The following CFAP47 variants were observed in gnomAD, a reference collection of about 807,000 sequenced individuals.
The protein encoded by CFAP47 is cilia and flagella associated protein 47.
CFAP47 carries 29 observed loss-of-function variants against 148.1 expected under a neutral mutation model. That is an observed-to-expected ratio of 0.20 (90% CI 0.15 to 0.27). The LOEUF is 0.27. Ranked by LOEUF, CFAP47 falls within the 10% of genes least tolerant of loss-of-function variation. The probability of loss-of-function intolerance (pLI) is 1.00; values close to 1 mark genes in which losing one functional copy is unlikely to be tolerated. For synonymous variants in CFAP47, 664 were observed against 577.3 expected, an observed-to-expected ratio of 1.15 and a Z score of -2.15; for missense variants, 1,872 against 1,697.5, an observed-to-expected ratio of 1.10 and a Z score of -1.81.
chrX:36,133,291 G>A (rs1280571503), intron 33 of CFAP47, among the ~76,000 whole-genome samples: 4 of 111,053 alleles, frequency 3.6e-5, no homozygotes, highest in Non-Finnish European at 5.7e-5. Flanking sequence ...AATTCACTCC[G>A]ACTTCTGTAT....
intron 49 of CFAP47, among the ~76,000 whole-genome samples, chrX:36,263,521 A>G (rs146117257): frequency 1.2e-4 from 13 of 112,194 alleles, no homozygotes; most frequent in African/African-American, 4.2e-4. Flanking sequence ...TTTAAGGCCA[A>G]TAACTATCTT....
chrX:35,922,568 A>T (rs1935594221), intron 1 of CFAP47, among the ~76,000 whole-genome samples: 1 of 112,524 alleles, frequency 8.9e-6, no homozygotes, highest in Non-Finnish European at 1.9e-5. Flanking sequence ...GACTTCCAAC[A>T]CCCAAAGGCT....
intron 33 of CFAP47, among the ~76,000 whole-genome samples, chrX:36,122,735 C>G (rs755847409): frequency 2.7e-5 from 3 of 111,672 alleles, no homozygotes; most frequent in African/African-American, 9.8e-5. Context: ...TGAGTTTTCT[C>G]AAAGCATCTA....
chrX:36,005,465 T>C (rs757646450), intron 21 of CFAP47, among the ~76,000 whole-genome samples: 1 of 112,362 alleles, frequency 8.9e-6, no homozygotes, highest in Non-Finnish European at 1.9e-5. Flanking sequence ...TCTCGTTTAA[T>C]TTCCACATAT....
chrX:36,192,139 A>T (rs1302929128), intron 42 of CFAP47, among the ~76,000 whole-genome samples: 1 of 111,938 alleles, frequency 8.9e-6, no homozygotes, highest in East Asian at 2.8e-4. Flanking sequence ...GAATTTTCAA[A>T]TAAAGTTGAA....
In CFAP47 at chrX:36,350,000, T is replaced by C. The variant is rs782116954; in HGVS notation, c.8604-38T>C. 8.4e-5 allele frequency: 70 copies of C among 835,597 alleles called. No homozygotes were observed. The African/African-American group carries it at 1.3e-3, about 16-fold the overall frequency. 68.9% of individuals were successfully genotyped at this position (835,597 alleles called of 1,213,427 possible). A position where few individuals can be genotyped will look rare whatever the true frequency, so the allele number is the denominator to read the frequency against. On this transcript the variant is annotated intron_variant, in intron 58 of 63. Transcript: ENST00000378653. ...AAGCTTTTTGTTAATATGGAGTTTC[T>C]CCTTTTGTTCCCTCTTAATATTTTA...
chrX:36,143,638 A>G (rs1398688022), intron 35 of CFAP47, among the ~76,000 whole-genome samples: 1 of 111,226 alleles, frequency 9.0e-6, no homozygotes. Flanking sequence ...GCTGTGAATA[A>G]CTTTTCCCCA....
In CFAP47 at chrX:36,138,049, A is replaced by G; in HGVS notation, c.5412A>G (p.Pro1804=). 1 of 841,822 alleles carries G rather than the reference A, an allele frequency of 1.2e-6. No homozygotes were observed. The highest frequency in any genetic ancestry group is 2.2e-5 in the South Asian group (1 of 44,670). The allele number at this position is 841,822 out of a possible 1,213,427, so 69.4% of individuals were successfully genotyped here. Residue 1804 remains proline, a synonymous_variant, in exon 34 of 64, where the codon CCA becomes CCG. Transcript: ENST00000378653. ...VFATQLGAYC[P]FLIESHFINM... ...CAACACAGTTGGGAGCCTATTGCCCATTCTTGGTAAGAGTCGTTTTTATGC... is the reference window on the plus strand; with the variant it reads ...CAACACAGTTGGGAGCCTATTGCCCGTTCTTGGTAAGAGTCGTTTTTATGC...
intron 51 of CFAP47, among the ~76,000 whole-genome samples, chrX:36,286,428 A>G (rs1602091141): frequency 1.2e-5 from 1 of 80,326 alleles, no homozygotes; most frequent in African/African-American, 4.3e-5. Flanking sequence ...AATAGAAAGT[A>G]AAAAAAAAAA....
At chrX:36,045,038 T>A (rs1438091899) in intron 25 of CFAP47, among the ~76,000 whole-genome samples, 1 of 112,149 alleles carries the variant, frequency 8.9e-6, no homozygotes, top group Non-Finnish European at 1.9e-5. Flanking sequence ...TACTTCTTCC[T>A]TTCCAACTTG....
At chrX:36,034,529 C>A (rs1937316976) in intron 23 of CFAP47, among the ~76,000 whole-genome samples, 1 of 111,158 alleles carries the variant, frequency 9.0e-6, no homozygotes. Flanking sequence ...TTTCCTCTCC[C>A]TATTTATTTA....
At position 36,379,483 on chromosome X, in the gene CFAP47, T is replaced by C. The variant is rs1295870024; in HGVS notation, c.9319T>C (p.Tyr3107His). 15 of 1,164,514 alleles carry C rather than the reference T, an allele frequency of 1.3e-5. No individual in the cohort carries two copies. In the Admixed American group the frequency reaches 3.9e-4, roughly 30 times the overall value. The change falls in exon 63 of 64, where the codon TAC (tyrosine) becomes CAC (histidine). Residue 3107 changes from tyrosine to histidine, a missense_variant. Physicochemically the swap from Tyr to His is moderately conservative, Grantham distance 83. Transcript: ENST00000378653. ...LITVGFKPKM[Y>H]CRKYKATLVI... ...CACTGTAGGATTTAAACCTAAAATG[T>C]ACTGTAGGAAATATAAAGCAACATT...
chrX:36,314,411 A>T (rs6632565), intron 56 of CFAP47, among the ~76,000 whole-genome samples: 13,006 of 110,699 alleles, frequency 0.12, 628 homozygotes, highest in East Asian at 0.26. Flanking sequence ...GGACAGCAAA[A>T]GGAAAGTGAC....
At chrX:36,244,310 T>C (rs1940588145) in intron 48 of CFAP47, among the ~76,000 whole-genome samples, 1 of 111,067 alleles carries the variant, frequency 9.0e-6, no homozygotes, top group Admixed American at 9.6e-5. Flanking sequence ...ACAATTTAAC[T>C]TTGCACCCAG....
intron 48 of CFAP47, among the ~76,000 whole-genome samples, chrX:36,243,649 A>ATG (rs1360632867): frequency 2.9e-4 from 2 of 6,853 alleles, no homozygotes; most frequent in Non-Finnish European, 5.1e-4. Context: ...ATGTGTGTGT[A>ATG]TATATATATA....
chrX:36,099,650 T>C (rs909211269), intron 31 of CFAP47, 101 bp from the exon 32 acceptor site: 2 of 419,753 alleles, frequency 4.8e-6, no homozygotes, highest in Non-Finnish European at 8.5e-6. Context: ...GAGCTCTTGA[T>C]TAAAGTATAG....
chrX:36,148,228 A>G (rs920123465), intron 36 of CFAP47, among the ~76,000 whole-genome samples: 9 of 111,602 alleles, frequency 8.1e-5, no homozygotes, highest in Admixed American at 4.8e-4. Context: ...ATTTTTGCTA[A>G]AGGAAGGCCA....
chrX:35,924,128 T>C (rs919735030), intron 1 of CFAP47, among the ~76,000 whole-genome samples: 8 of 99,964 alleles, frequency 8.0e-5, no homozygotes, highest in Non-Finnish European at 1.4e-4. Flanking sequence ...TGCGTACATA[T>C]ATGTATATGT....
chrX:36,139,317 A>T (rs1002593875), intron 35 of CFAP47, among the ~76,000 whole-genome samples: 6 of 111,637 alleles, frequency 5.4e-5, no homozygotes, highest in Admixed American at 9.5e-5. Flanking sequence ...AACAGAATGT[A>T]GAGTTTGAAA....
Sources: allele counts gnomAD v4.1 joint callset (sites outside exome capture counted in the v4.1 genomes callset), GRCh38; gene constraint gnomAD v4.1.1; transcripts MANE v1.5; gene names NCBI Gene and HGNC (gene_info 2026-07-23, HGNC 2026-07-21).